MCF2L: variants seen among roughly 807,000 people sequenced by gnomAD.
MCF2L encodes the protein MCF.2 cell line derived transforming sequence like.
In MCF2L, 97 loss-of-function variants were observed where a neutral mutation model predicts 153.4. The observed-to-expected ratio is 0.63, with a 90% confidence interval of 0.54 to 0.75. The LOEUF is 0.75. Among genes scored for constraint, MCF2L ranks in the 30% least tolerant of loss-of-function variants. The pLI is 0.00. For missense variants in MCF2L, 1,347 were observed against 1,495.2 expected (o/e 0.90, Z 1.64); for synonymous variants, 659 against 632.2 (o/e 1.04, Z -0.64).
At chr13:112,955,451 A>G (rs898939183) in intron 2 of MCF2L, among the ~76,000 whole-genome samples, 1 of 152,144 alleles carries the variant, frequency 6.6e-6, no homozygotes, top group African/African-American at 2.4e-5. Flanking sequence ...ACATTGGCTG[A>G]TATTTATTTA....
chr13:113,009,414 T>C (rs558127502), intron 1 of MCF2L: 2 of 152,348 alleles, frequency 1.3e-5, no homozygotes, highest in South Asian at 2.1e-4. Context: ...TTAAACATAT[T>C]TGAGATTTAA....
chr13:113,076,369 A>G (rs1177575147), intron 12 of MCF2L, among the ~76,000 whole-genome samples: 2 of 152,218 alleles, frequency 1.3e-5, no homozygotes, highest in East Asian at 1.9e-4. Context: ...GGTTCAAGCA[A>G]TTCTCCTGCC....
intron 1 of MCF2L, among the ~76,000 whole-genome samples, chr13:112,978,290 G>A (rs919258101): frequency 3.9e-5 from 6 of 152,202 alleles, no homozygotes; most frequent in Non-Finnish European, 7.3e-5. Flanking sequence ...TGTTTTGGGG[G>A]ATGCAGCACA....
At chr13:112,940,913 C>T (rs1181027474) in intron 2 of MCF2L, among the ~76,000 whole-genome samples, 1 of 152,152 alleles carries the variant, frequency 6.6e-6, no homozygotes, top group Non-Finnish European at 1.5e-5. Flanking sequence ...GCAGCCAGCA[C>T]CTTTCTTTGC....
chr13:112,911,101 G>A (rs2081226897), intron 2 of MCF2L, among the ~76,000 whole-genome samples: 1 of 152,202 alleles, frequency 6.6e-6, no homozygotes, highest in South Asian at 2.1e-4. Flanking sequence ...TGATGGAGCT[G>A]GTGTTGAACC....
intron 3 of MCF2L, among the ~76,000 whole-genome samples, chr13:113,033,625 G>A (rs563322255): frequency 7.2e-5 from 11 of 152,130 alleles, no homozygotes; most frequent in African/African-American, 2.7e-4. Context: ...TGCTCCAGCT[G>A]GGTGATTTCC....
chr13:113,035,847 T>G lies in MCF2L; in HGVS notation c.279-9424T>G, dbSNP rs2086121226. The stretch of plus-strand genomic sequence containing the variant: ...GTCATTCACTTCTGCGTTCCTCAGT[T>G]TCTGCACGTTTAAAATGGCAGAGGC... On this transcript the variant is annotated intron_variant, in intron 3 of 29. Transcript: ENST00000535094. The surrounding 1 kb of genome is among the most constrained non-coding windows in gnomAD (Gnocchi z 4.4). Among the ~76,000 whole-genome samples the G allele has an allele frequency of 6.6e-6, 1 of 152,190 alleles. No individual in the cohort carries two copies. The highest frequency in any genetic ancestry group is 2.1e-4 in the South Asian group (1 of 4,828).
chr13:112,987,917 C>A (rs2082716674), intron 1 of MCF2L, among the ~76,000 whole-genome samples: 1 of 152,258 alleles, frequency 6.6e-6, no homozygotes, highest in Admixed American at 6.5e-5. Flanking sequence ...CTCATCCAAG[C>A]AACACACACC....
rs542171405 is a variant in MCF2L at position 112,902,363 on chromosome 13, T to C, written c.161T>C (p.Met54Thr). The C allele has an allele frequency of 8.7e-6, 14 of 1,612,372 alleles. No individual in the cohort carries two copies. In the South Asian group the frequency reaches 1.5e-4, roughly 18 times the overall value. Reference sequence around the variant, plus strand: ...CAAGACACACCGGAGGCGACGGCCATGGCCACAGGTAGGCGCCTGGTGCTG... The same window carrying C: ...CAAGACACACCGGAGGCGACGGCCACGGCCACAGGTAGGCGCCTGGTGCTG... The change falls in exon 2 of 30, where the codon ATG (methionine) becomes ACG (threonine). Residue 54 changes from methionine (M) to threonine (T), a missense_variant. Physicochemically the swap from Met to Thr is moderately conservative, Grantham distance 81. Coordinates refer to the MCF2L transcript ENST00000375608.
chr13:113,010,822 C>G (rs1367276169), intron 1 of MCF2L, among the ~76,000 whole-genome samples: 1 of 152,198 alleles, frequency 6.6e-6, no homozygotes, highest in Admixed American at 6.5e-5. Context: ...GTCAGGGGCC[C>G]ACCACCTCCC....
upstream of MCF2L, chr13:112,968,535 C>T (rs757771454): frequency 1.0e-5 from 16 of 1,560,518 alleles, no homozygotes; most frequent in Admixed American, 2.6e-4. Context: ...CTTGGGCAGG[C>T]GATGCCCCTG....
Position 112,932,808 on chromosome 13 carries a change from A to C in MCF2L, c.169+30437A>C, listed in dbSNP as rs1053658361. Among the ~76,000 whole-genome samples, 83 of 152,240 alleles carry C rather than the reference A, an allele frequency of 5.5e-4. 1 individual carries two copies. Among genetic ancestry groups the C allele is most frequent in the Middle Eastern group, 3.4e-3 (1 of 294 alleles). On this transcript the variant is annotated intron_variant, in intron 2 of 29. Transcript: ENST00000375608. This position sits in a 1 kb window ranked among gnomAD's most constrained non-coding sequence, Gnocchi z 4.6. ...CACTTTGGGAGGTCAACGCGGGTGG[A>C]TCATCTGAGGTCAGGAGTTGAAGAC...
rs145822272 is a variant in MCF2L, at chr13:112,970,830, T to C, written c.79+1372T>C. 1.2e-3 allele frequency among the ~76,000 whole-genome samples: 190 copies of C among 152,280 alleles called. 1 individual carries two copies. Among genetic ancestry groups the C allele is most frequent in the African/African-American group, 4.5e-3 (185 of 41,550 alleles). ...TCTCAGAAGAGCAGCAGTGACACTGTCTGCTCACTGAATGTCGTGCGAGCC... is the reference window on the plus strand; with the variant it reads ...TCTCAGAAGAGCAGCAGTGACACTGCCTGCTCACTGAATGTCGTGCGAGCC... On this transcript the variant is annotated intron_variant, in intron 1 of 29. Coordinates refer to ENST00000535094, the MANE Select transcript of MCF2L (RefSeq NM_001112732.3).
chr13:113,024,693 G>T lies in MCF2L; in HGVS notation c.213G>T (p.Pro71=). The T allele has an allele frequency of 6.2e-7, 1 of 1,614,194 alleles. No individual in the cohort carries two copies. Among genetic ancestry groups the T allele is most frequent in the Admixed American group, 1.7e-5 (1 of 60,034 alleles). Residue 71 remains proline, a synonymous_variant, in exon 3 of 30, where the codon CCG becomes CCT. Coordinates refer to ENST00000535094, the MANE Select transcript of MCF2L (RefSeq NM_001112732.3). ...GSPVITFPDY[P]AFSEIPDKEF... Reference sequence around the variant, plus strand: ...CGGTTATCACCTTCCCTGACTACCCGGCCTTCAGCGAGATTCCGGACAAGG... The same window carrying T: ...CGGTTATCACCTTCCCTGACTACCCTGCCTTCAGCGAGATTCCGGACAAGG...
chr13:113,078,461 G>A lies in MCF2L; in HGVS notation c.1734+25G>A, dbSNP rs750315867. On this transcript the variant is annotated intron_variant, in intron 14 of 29. Transcript: ENST00000535094. Reference sequence around the variant, plus strand: ...GGTGAGGCTTGCCCAAGACAACCCCGCCATCCACACCCCCCTCCTTGGTTC... The same window carrying A: ...GGTGAGGCTTGCCCAAGACAACCCCACCATCCACACCCCCCTCCTTGGTTC... 17 of 1,592,910 alleles carry A rather than the reference G, an allele frequency of 1.1e-5. 1 individual carries two copies. The highest frequency in any genetic ancestry group is 5.1e-5 in the Admixed American group (3 of 59,364).
chr13:113,034,575 T>C (rs28731023), intron 3 of MCF2L, among the ~76,000 whole-genome samples: 105,204 of 150,274 alleles, frequency 0.7, 36,822 homozygotes, highest in East Asian at 0.85. Flanking sequence ...CGCCCTCACC[T>C]TCTCCCTCGC....
chr13:112,920,171 C>T (rs2081337957), intron 2 of MCF2L, among the ~76,000 whole-genome samples: 1 of 152,160 alleles, frequency 6.6e-6, no homozygotes, highest in Non-Finnish European at 1.5e-5. Flanking sequence ...CCCGTGTTAC[C>T]TGGCTGAACT....
At chr13:113,050,113 G>A (rs763315066) in intron 4 of MCF2L, among the ~76,000 whole-genome samples, 5 of 152,134 alleles carry the variant, frequency 3.3e-5, no homozygotes, top group Non-Finnish European at 5.9e-5. Context: ...ATAAAATGCT[G>A]TTGCAACATC....
intron 2 of MCF2L, among the ~76,000 whole-genome samples, chr13:112,921,474 AAC>A (rs1225087775): frequency 6.6e-6 from 1 of 152,202 alleles, no homozygotes; most frequent in Non-Finnish European, 1.5e-5. Flanking sequence ...TTGTGTGGAA[AAC>A]AATCAGGAAC....
Sources: gnomAD v4.1 joint callset for allele counts (sites outside exome capture counted in the v4.1 genomes callset) on GRCh38, gnomAD v4.1.1 for gene constraint, Gnocchi (gnomAD v3.1) non-coding constraint, MANE v1.5 for transcripts, NCBI Gene and HGNC (gene_info 2026-07-23, HGNC 2026-07-21) for gene names.